Variants in TMEM108 observed in about 807,000 individuals in gnomAD.
TMEM108 encodes transmembrane protein 108.
Under a neutral mutation model 35.1 loss-of-function variants are expected in TMEM108, and 12 were observed. The ratio of observed to expected loss-of-function variants is 0.34; its 90% CI spans 0.22 to 0.55. The LOEUF is 0.55. Ranked by LOEUF, TMEM108 falls within the 20% of genes least tolerant of loss-of-function variation. TMEM108 has a pLI of 0.89. For synonymous variants in TMEM108, 287 were observed against 308.6 expected (o/e 0.93, Z 0.73); for missense variants, 680 against 753.3 (o/e 0.90, Z 1.14).
intron 4 of TMEM108, chr3:133,386,690 T>A: frequency 2.2e-6 from 3 of 1,393,816 alleles, no homozygotes; most frequent in Non-Finnish European, 2.8e-6. Context: ...TTCAACTAAA[T>A]GGGAAAGGGA....
intron 2 of TMEM108, among the ~76,000 whole-genome samples, chr3:133,185,799 T>TTTTTTTTTTA (rs1945411991): frequency 8.2e-6 from 1 of 121,894 alleles, no homozygotes; most frequent in East Asian, 2.1e-4. Context: ...TTTTTTTTTT[T>TTTTTTTTTTA]GAGACAGAGT....
rs756439734 is a variant in TMEM108, at chr3:133,292,709, G to A, written c.40+63358G>A. ...CTGTTTCAAACTCTAAAGCACCAAAGCCCTCTCCTTTTCTCAGAGACACAG... is the reference window on the plus strand; with the variant it reads ...CTGTTTCAAACTCTAAAGCACCAAAACCCTCTCCTTTTCTCAGAGACACAG... On this transcript the variant is annotated intron_variant, in intron 3 of 5. Transcript: ENST00000321871. 2.6e-5 allele frequency among the ~76,000 whole-genome samples: 4 copies of A among 152,102 alleles called. No homozygotes were observed. In the South Asian group the frequency reaches 8.3e-4, roughly 32 times the overall value.
At chr3:133,228,366 C>T (rs1389309540) in intron 2 of TMEM108, among the ~76,000 whole-genome samples, 3 of 152,082 alleles carry the variant, frequency 2.0e-5, no homozygotes, top group Admixed American at 6.5e-5. Flanking sequence ...ATTTGCCTCT[C>T]GGCAGAGATG....
intron 4 of TMEM108, among the ~76,000 whole-genome samples, chr3:133,385,791 G>GACTT (rs1447621520): frequency 2.1e-4 from 32 of 152,310 alleles, no homozygotes; most frequent in African/African-American, 7.7e-4. Flanking sequence ...TTGGCTGTAG[G>GACTT]ACTTACACAA....
Position 133,126,423 on chromosome 3 carries a change from C to T in TMEM108, c.-47+80403C>T, listed in dbSNP as rs568896662. Among the ~76,000 whole-genome samples, 23 of 151,190 alleles carry T rather than the reference C, an allele frequency of 1.5e-4. No homozygotes were observed. The South Asian group carries it at 4.6e-3, about 30-fold the overall frequency. ...CAGAGGTTGCAGTAAGCCGAGATAG[C>T]GCCACTGCACTCCAGCCTGGGCAAC... On this transcript the variant is annotated intron_variant, in intron 2 of 5. Coordinates refer to ENST00000321871, the MANE Select transcript of TMEM108 (RefSeq NM_023943.4).
chr3:133,121,190 C>G (rs1214427135), intron 2 of TMEM108, among the ~76,000 whole-genome samples: 1 of 152,178 alleles, frequency 6.6e-6, no homozygotes, highest in Non-Finnish European at 1.5e-5. Flanking sequence ...CTGGTCTGGC[C>G]AGTAGATCTG....
At chr3:133,294,042 T>C (rs188950898) in intron 3 of TMEM108, among the ~76,000 whole-genome samples, 9 of 152,350 alleles carry the variant, frequency 5.9e-5, no homozygotes, top group Non-Finnish European at 1.3e-4. Flanking sequence ...TGAATATTAA[T>C]GTACCACTCT....
intron 3 of TMEM108, among the ~76,000 whole-genome samples, chr3:133,374,578 A>G (rs1306559911): frequency 2.0e-5 from 3 of 150,854 alleles, no homozygotes; most frequent in Non-Finnish European, 4.4e-5. Context: ...ACACACACAT[A>G]TATAATTTTG....
intron 3 of TMEM108, among the ~76,000 whole-genome samples, chr3:133,235,940 C>T (rs1946230021): frequency 6.6e-6 from 1 of 152,024 alleles, no homozygotes; most frequent in African/African-American, 2.4e-5. Context: ...CATGCCACTG[C>T]TGAGGAGGGT....
At chr3:133,075,255 C>A (rs1209830024) in intron 2 of TMEM108, among the ~76,000 whole-genome samples, 1 of 152,122 alleles carries the variant, frequency 6.6e-6, no homozygotes, top group Non-Finnish European at 1.5e-5. Context: ...AGTCAAATTG[C>A]TGGGTCATAC....
intron 2 of TMEM108, among the ~76,000 whole-genome samples, chr3:133,205,909 A>G (rs1314880150): frequency 1.3e-5 from 2 of 152,130 alleles, no homozygotes; most frequent in African/African-American, 2.4e-5. Flanking sequence ...ACTTGGTTCC[A>G]TTCTCCCCGT....
chr3:133,308,795 T>G (rs1361407498), intron 3 of TMEM108, among the ~76,000 whole-genome samples: 1 of 152,236 alleles, frequency 6.6e-6, no homozygotes, highest in African/African-American at 2.4e-5. Flanking sequence ...ACATCAGTAT[T>G]CATCAGGGAT....
At chr3:133,186,737 C>T (rs1460083540) in intron 2 of TMEM108, among the ~76,000 whole-genome samples, 9 of 152,160 alleles carry the variant, frequency 5.9e-5, no homozygotes, top group Admixed American at 4.6e-4. Context: ...TTGTAGGTTT[C>T]AAGTCTTTAA....
At chr3:133,132,290 G>C (rs1203597658) in intron 2 of TMEM108, among the ~76,000 whole-genome samples, 1 of 152,198 alleles carries the variant, frequency 6.6e-6, no homozygotes, top group African/African-American at 2.4e-5. Context: ...GTCAATGCTT[G>C]GCTTCAGTGC....
At chr3:133,386,007 G>T (rs371264581) in intron 4 of TMEM108, among the ~76,000 whole-genome samples, 28 of 152,340 alleles carry the variant, frequency 1.8e-4, no homozygotes, top group African/African-American at 6.7e-4. Flanking sequence ...GAAAGGAGAG[G>T]GAGAAGGAAA....
intron 3 of TMEM108, among the ~76,000 whole-genome samples, chr3:133,277,788 C>A (rs956400397): frequency 6.6e-6 from 1 of 152,178 alleles, no homozygotes; most frequent in East Asian, 1.9e-4. Context: ...GATATTTCCC[C>A]AAAATTAAAT....
intron 2 of TMEM108, among the ~76,000 whole-genome samples, chr3:133,196,203 G>A (rs1945574358): frequency 6.6e-6 from 1 of 152,058 alleles, no homozygotes; most frequent in South Asian, 2.1e-4. Context: ...TTTTGAAGGA[G>A]GTCACACTGG....
intron 3 of TMEM108, among the ~76,000 whole-genome samples, chr3:133,287,809 T>TATAG (rs1473105207): frequency 1.3e-5 from 2 of 152,200 alleles, no homozygotes; most frequent in East Asian, 3.8e-4. Flanking sequence ...AATAAAAATA[T>TATAG]ATAGATCAAT....
intron 2 of TMEM108, among the ~76,000 whole-genome samples, chr3:133,100,605 A>G (rs1944074614): frequency 6.6e-6 from 1 of 152,154 alleles, no homozygotes; most frequent in Admixed American, 6.5e-5. Flanking sequence ...ACCCTGTCTC[A>G]TAAATAAAAT....
Sources: gnomAD v4.1 joint callset for allele counts (sites outside exome capture counted in the v4.1 genomes callset) on GRCh38, gnomAD v4.1.1 for gene constraint, MANE v1.5 for transcripts, NCBI Gene and HGNC (gene_info 2026-07-23, HGNC 2026-07-21) for gene names.